Variants in SMAD1 observed in about 807,000 individuals in gnomAD.
The protein encoded by SMAD1 is SMAD family member 1.
In SMAD1, 6 loss-of-function variants were observed where a neutral mutation model predicts 41.6. The observed-to-expected ratio is 0.14, with a 90% CI of 0.08 to 0.28. The LOEUF (loss-of-function observed/expected upper bound fraction) is 0.28, where lower values mean the gene tolerates loss of function less well. Ranked by LOEUF, SMAD1 falls within the 10% of genes least tolerant of loss-of-function variation. SMAD1 has a pLI of 1.00. For synonymous variants in SMAD1, 206 were observed against 203.2 expected (o/e 1.01, Z -0.12); for missense variants, 379 against 582.6 (o/e 0.65, Z 3.60).
intron 6 of SMAD1, among the ~76,000 whole-genome samples, chr4:145,555,524 T>A (rs1308691346): frequency 6.6e-6 from 1 of 152,214 alleles, no homozygotes; most frequent in Admixed American, 6.5e-5. Context: ...TCAGTGAGTC[T>A]GTTATTGAAG....
intron 3 of SMAD1, among the ~76,000 whole-genome samples, chr4:145,540,734 CAAA>C (rs921011866): frequency 2.5e-5 from 2 of 81,610 alleles, no homozygotes; most frequent in Non-Finnish European, 5.1e-5. Context: ...CAAGCATCTC[CAAA>C]AAAAAAAAAA....
intron 2 of SMAD1, among the ~76,000 whole-genome samples, chr4:145,526,403 T>A (rs942452899): frequency 6.6e-6 from 1 of 152,204 alleles, no homozygotes; most frequent in African/African-American, 2.4e-5. Context: ...TTACCCAGGG[T>A]ATGGTGGTGT....
intron 2 of SMAD1, among the ~76,000 whole-genome samples, chr4:145,518,761 C>T (rs1730563260): frequency 7.9e-6 from 1 of 126,056 alleles, no homozygotes; most frequent in African/African-American, 2.5e-5. Context: ...GCTGAGGTCT[C>T]AATGACTCTT....
At chr4:145,504,030 C>T (rs1321170531) in intron 1 of SMAD1, 3 of 152,156 alleles carry the variant, frequency 2.0e-5, no homozygotes, top group Non-Finnish European at 2.9e-5. Flanking sequence ...ATATATGGCT[C>T]ACATTTATTT....
At chr4:145,491,390 C>T (rs2126939429) in intron 1 of SMAD1, among the ~76,000 whole-genome samples, 1 of 152,260 alleles carries the variant, frequency 6.6e-6, no homozygotes, top group South Asian at 2.1e-4. Context: ...ATGATTGTGT[C>T]ACTGCACTCC....
intron 6 of SMAD1, 23 bp downstream of exon 6, chr4:145,554,063 A>G (rs1416523063): frequency 6.3e-7 from 1 of 1,580,266 alleles, no homozygotes; most frequent in Non-Finnish European, 8.6e-7. Flanking sequence ...CGACTCCTCC[A>G]TTTAGGGCCT....
At chr4:145,557,680 G>A in intron 6 of SMAD1, 111 bp from the exon 7 acceptor site, 1 of 774,898 alleles carries the variant, frequency 1.3e-6, no homozygotes, top group Non-Finnish European at 2.0e-6. Context: ...GGGTCAGGGA[G>A]GAAAGATGCA....
At chr4:145,512,577 ATTCT>A (rs1374115210) in intron 1 of SMAD1, among the ~76,000 whole-genome samples, 1 of 152,086 alleles carries the variant, frequency 6.6e-6, no homozygotes, top group Admixed American at 6.6e-5. Context: ...TTTTTATTTC[ATTCT>A]TCTTTATGGA....
chr4:145,489,020 G>A (rs891138412), intron 1 of SMAD1, among the ~76,000 whole-genome samples: 3 of 152,220 alleles, frequency 2.0e-5, no homozygotes, highest in African/African-American at 7.2e-5. Context: ...CATGAGTGTT[G>A]AGTATCTGTA....
At chr4:145,503,173 G>A (rs1335021434) in intron 1 of SMAD1, among the ~76,000 whole-genome samples, 2 of 152,192 alleles carry the variant, frequency 1.3e-5, no homozygotes, top group Non-Finnish European at 2.9e-5. Flanking sequence ...ATGTTTGGAA[G>A]TAGCCAGATC....
intron 1 of SMAD1, among the ~76,000 whole-genome samples, chr4:145,507,210 G>A (rs1256151726): frequency 6.7e-6 from 1 of 149,854 alleles, no homozygotes; most frequent in Non-Finnish European, 1.5e-5. Flanking sequence ...TATTTGCTTC[G>A]AAAACCTTTT....
At chr4:145,545,147 T>G (rs1732175123) in intron 4 of SMAD1, 1 of 152,128 alleles carries the variant, frequency 6.6e-6, no homozygotes, top group Admixed American at 6.5e-5. Context: ...TGCTATCTGT[T>G]TTTGTAAATA....
rs1312856818 is a variant in SMAD1, at chr4:145,481,883, C to T, written c.-332C>T. 1 of 154,950 alleles carries T rather than the reference C, an allele frequency of 6.5e-6. No individual in the cohort carries two copies. The highest frequency in any genetic ancestry group is 1.8e-4 in the South Asian group (1 of 5,494). The allele number at this position is 154,950 out of a possible 1,614,324, so 9.6% of individuals were successfully genotyped here. ...AATCCAGGCTCCAGGAGAAAGCAGG[C>T]GGGCGGGCGGAGAAAGGAGAGGCCG... On this transcript the variant is annotated 5_prime_UTR_variant, in exon 1 of 7. Coordinates refer to ENST00000302085, the MANE Select transcript of SMAD1 (RefSeq NM_005900.3).
Position 145,539,881 on chromosome 4 carries a change from G to A in SMAD1, c.478G>A (p.Gly160Arg), listed in dbSNP as rs1731821296. 1 of 1,613,978 alleles carries A rather than the reference G, an allele frequency of 6.2e-7. No homozygotes were observed. The highest frequency in any genetic ancestry group is 8.5e-7 in the Non-Finnish European group (1 of 1,180,002). ...HSLLAQFRNL[G>R]QNEPHMPLNA... Reference sequence around the variant, plus strand: ...CCTCTTAGCTCAGTTCCGTAACTTAGGACAAAATGAGCCTCACATGCCACT... The same window carrying A: ...CCTCTTAGCTCAGTTCCGTAACTTAAGACAAAATGAGCCTCACATGCCACT... The change falls in exon 3 of 7, where the codon GGA becomes AGA. Residue 160 changes from glycine (G) to arginine (R), a missense_variant. Coordinates refer to ENST00000302085, the MANE Select transcript of SMAD1 (RefSeq NM_005900.3).
intron 4 of SMAD1, chr4:145,546,185 T>C (rs1481811375): frequency 1.9e-5 from 3 of 157,308 alleles, no homozygotes; most frequent in Non-Finnish European, 4.2e-5. Context: ...AAGTAACTTC[T>C]TATCAATAAT....
intron 5 of SMAD1, among the ~76,000 whole-genome samples, chr4:145,547,394 C>T (rs766208545): frequency 1.3e-5 from 2 of 152,134 alleles, no homozygotes; most frequent in African/African-American, 2.4e-5. Context: ...CCAAATTGAA[C>T]AACTGTCCAT....
At chr4:145,539,188 G>A (rs11946830) in intron 2 of SMAD1, among the ~76,000 whole-genome samples, 1,775 of 152,268 alleles carry the variant, frequency 0.012, 31 homozygotes, top group African/African-American at 0.04. Flanking sequence ...TTCATAAAGT[G>A]TGACTCCTAG....
rs1732942545 is a variant in SMAD1, at chr4:145,557,999, T to C, written c.*65T>C. 3 of 1,256,874 alleles carry C rather than the reference T, an allele frequency of 2.4e-6. No homozygotes were observed. The highest frequency in any genetic ancestry group is 3.3e-6 in the Non-Finnish European group (3 of 922,116). 77.9% of individuals were successfully genotyped at this position (1,256,874 alleles called of 1,614,324 possible). On this transcript the variant is annotated 3_prime_UTR_variant, in exon 7 of 7. Coordinates refer to ENST00000302085, the MANE Select transcript of SMAD1 (RefSeq NM_005900.3). ...TGCATGTACTTGAAGGATGGATGAG[T>C]CAGACACGATTGAGAACTGACAAAG...
At chr4:145,526,903 G>C (rs1477093567) in intron 2 of SMAD1, among the ~76,000 whole-genome samples, 3 of 152,156 alleles carry the variant, frequency 2.0e-5, no homozygotes, top group Non-Finnish European at 2.9e-5. Context: ...CTTTGAGCTT[G>C]TGTTTGCTAA....
Sources: allele counts gnomAD v4.1 joint callset (sites outside exome capture counted in the v4.1 genomes callset), GRCh38; gene constraint gnomAD v4.1.1; transcripts MANE v1.5; gene names NCBI Gene and HGNC (gene_info 2026-07-23, HGNC 2026-07-21).